PTPRD: variants seen among roughly 807,000 people sequenced by gnomAD.
PTPRD encodes the protein receptor-type tyrosine-protein phosphatase delta.
Under a neutral mutation model 214.5 loss-of-function variants are expected in PTPRD, and 34 were observed. The ratio of observed to expected loss-of-function variants is 0.16; its 90% CI spans 0.12 to 0.21. The LOEUF is 0.21. PTPRD is among the 10% of genes least tolerant of loss of function. The probability of loss-of-function intolerance (pLI) is 1.00; values close to 1 mark genes in which losing one functional copy is unlikely to be tolerated. For missense variants in PTPRD, 2,545 were observed against 2,398.7 expected (o/e 1.06, Z -1.27); for synonymous variants, 1,128 against 845.7 (o/e 1.33, Z -5.79).
chr9:9,583,891 C>A (rs752956115), intron 7 of PTPRD, among the ~76,000 whole-genome samples: 9 of 152,046 alleles, frequency 5.9e-5, no homozygotes, highest in Non-Finnish European at 1.3e-4. Context: ...TTCTATCTTA[C>A]TCGCCATGGT....
At chr9:9,145,393 G>A (rs1311813476) in intron 10 of PTPRD, among the ~76,000 whole-genome samples, 1 of 152,070 alleles carries the variant, frequency 6.6e-6, no homozygotes, top group Non-Finnish European at 1.5e-5. Context: ...AAAAAGAAAA[G>A]TATATTGTAT....
At chr9:10,427,350 G>A (rs1023100460) in intron 2 of PTPRD, among the ~76,000 whole-genome samples, 1 of 152,024 alleles carries the variant, frequency 6.6e-6, no homozygotes, top group African/African-American at 2.4e-5. Flanking sequence ...ACATTGTCAA[G>A]AAAAATAACC....
chr9:8,831,881 G>A (rs992405746), intron 11 of PTPRD, among the ~76,000 whole-genome samples: 3 of 149,480 alleles, frequency 2.0e-5, no homozygotes, highest in African/African-American at 2.5e-5. Flanking sequence ...AACGTTTTAT[G>A]AAGTCCATAT....
At chr9:9,672,540 G>A (rs2096851329) in intron 7 of PTPRD, among the ~76,000 whole-genome samples, 2 of 152,044 alleles carry the variant, frequency 1.3e-5, no homozygotes, top group African/African-American at 2.4e-5. Flanking sequence ...GCTAATACAT[G>A]GTAGAGATGG....
intron 11 of PTPRD, among the ~76,000 whole-genome samples, chr9:8,850,773 TAA>T (rs1203334657): frequency 6.6e-6 from 1 of 152,196 alleles, no homozygotes; most frequent in African/African-American, 2.4e-5. Context: ...ATATTTCAGT[TAA>T]GTTACTACTA....
At chr9:9,990,329 A>C (rs1435911316) in intron 4 of PTPRD, among the ~76,000 whole-genome samples, 3 of 152,226 alleles carry the variant, frequency 2.0e-5, no homozygotes, top group Non-Finnish European at 4.4e-5. Flanking sequence ...CTGAAATGTA[A>C]CTAAGTACAA....
chr9:9,954,445 G>A (rs1359254314), intron 4 of PTPRD, among the ~76,000 whole-genome samples: 3 of 148,466 alleles, frequency 2.0e-5, no homozygotes, highest in Non-Finnish European at 4.5e-5. Flanking sequence ...TAAACATGTT[G>A]TTTTAACATT....
At chr9:8,324,800 G>A (rs1009566600) in intron 44 of PTPRD, among the ~76,000 whole-genome samples, 1 of 151,678 alleles carries the variant, frequency 6.6e-6, no homozygotes, top group East Asian at 2.0e-4. Context: ...ATTCTAATTG[G>A]TGTAAGATGG....
intron 10 of PTPRD, among the ~76,000 whole-genome samples, chr9:9,067,470 G>A (rs936642577): frequency 7.9e-5 from 12 of 152,276 alleles, no homozygotes; most frequent in African/African-American, 2.6e-4. Flanking sequence ...TCTAAGGTAT[G>A]AGTATATTGT....
At chr9:9,082,248 G>T (rs2099760333) in intron 10 of PTPRD, among the ~76,000 whole-genome samples, 1 of 151,968 alleles carries the variant, frequency 6.6e-6, no homozygotes, top group Non-Finnish European at 1.5e-5. Context: ...ACATCAAAAA[G>T]CTTATCCACC....
At chr9:8,353,670 G>A (rs1169805634) in intron 39 of PTPRD, among the ~76,000 whole-genome samples, 1 of 151,712 alleles carries the variant, frequency 6.6e-6, no homozygotes, top group African/African-American at 2.4e-5. Flanking sequence ...CTGACTTCAG[G>A]TGATCTGCCC....
At chr9:8,527,261 C>T (rs942544117) in intron 16 of PTPRD, 84 bp downstream of exon 16, 9 of 1,381,132 alleles carry the variant, frequency 6.5e-6, no homozygotes, top group African/African-American at 1.5e-5. Context: ...AAAATGCATG[C>T]CATGCATTTT....
chr9:8,448,785 C>T (rs942422555), intron 34 of PTPRD, among the ~76,000 whole-genome samples: 3 of 152,124 alleles, frequency 2.0e-5, no homozygotes, highest in Non-Finnish European at 4.4e-5. Flanking sequence ...AAAATGTGTA[C>T]TGTAATATAT....
At chr9:10,491,126 G>A (rs970445119) in intron 2 of PTPRD, among the ~76,000 whole-genome samples, 4 of 152,072 alleles carry the variant, frequency 2.6e-5, no homozygotes, top group African/African-American at 9.7e-5. Context: ...AGCATATCCA[G>A]GATATCCTGT....
intron 4 of PTPRD, among the ~76,000 whole-genome samples, chr9:9,982,455 ATTG>A (rs199860433): frequency 0.44 from 52,107 of 117,182 alleles, 9,609 homozygotes; most frequent in Middle Eastern, 0.54. Flanking sequence ...AGATACATAT[ATTG>A]TTGTTGTGGT....
At chr9:8,329,676 C>G (rs1401929643) in intron 44 of PTPRD, among the ~76,000 whole-genome samples, 1 of 152,096 alleles carries the variant, frequency 6.6e-6, no homozygotes, top group Non-Finnish European at 1.5e-5. Context: ...GTAAGTAAGT[C>G]TGTGATTGGG....
At chr9:9,201,631 A>C (rs1321153830) in intron 9 of PTPRD, among the ~76,000 whole-genome samples, 1 of 152,206 alleles carries the variant, frequency 6.6e-6, no homozygotes, top group Non-Finnish European at 1.5e-5. Context: ...AAGCCACTTA[A>C]GTTTTAAATA....
chr9:8,420,917 C>T (rs1375630404), intron 35 of PTPRD, among the ~76,000 whole-genome samples: 1 of 151,460 alleles, frequency 6.6e-6, no homozygotes, highest in Non-Finnish European at 1.5e-5. Flanking sequence ...ATGTCTTCCT[C>T]ATCTGTGTAC....
chr9:9,904,634 G>A (rs149870889), intron 5 of PTPRD, among the ~76,000 whole-genome samples: 23 of 151,890 alleles, frequency 1.5e-4, no homozygotes, highest in African/African-American at 5.6e-4. Context: ...AGGATTAAAT[G>A]CAATAATGCA....
Sources: allele counts gnomAD v4.1 joint callset (sites outside exome capture counted in the v4.1 genomes callset), GRCh38; gene constraint gnomAD v4.1.1; transcripts MANE v1.5; gene names NCBI Gene and HGNC (gene_info 2026-07-23, HGNC 2026-07-21).